The following NELL1 variants were observed in gnomAD, a reference collection of about 807,000 sequenced individuals.
The protein encoded by NELL1 is protein kinase C-binding protein NELL1.
A neutral mutation model predicts 107.4 loss-of-function variants in NELL1; 76 were observed. The ratio of observed to expected loss-of-function variants is 0.71; its 90% confidence interval spans 0.59 to 0.86. The LOEUF (loss-of-function observed/expected upper bound fraction) is 0.86. NELL1 is among the 40% of genes least tolerant of loss of function. The probability of loss-of-function intolerance (pLI) is 0.00; values close to 1 mark genes in which losing one functional copy is unlikely to be tolerated. For synonymous variants in NELL1, 353 were observed against 341.2 expected (o/e 1.03, Z -0.38); for missense variants, 1,024 against 1,005.5 (o/e 1.02, Z -0.25).
At chr11:20,737,478 G>T (rs1250242168) in intron 2 of NELL1, among the ~76,000 whole-genome samples, 1 of 152,028 alleles carries the variant, frequency 6.6e-6, no homozygotes, top group African/African-American at 2.4e-5. Flanking sequence ...ACATGATAAT[G>T]CTCAAAAAGA....
rs944212559 is a variant in NELL1 at position 21,330,518 on chromosome 11, C to A, written c.1550-40335C>A. Among the ~76,000 whole-genome samples the A allele has an allele frequency of 2.0e-5, 3 of 151,876 alleles. No individual in the cohort carries two copies. In the East Asian group the frequency reaches 5.8e-4, roughly 29 times the overall value. ...GAATGAGAAATTTGTTAGTTTTATT[C>A]TTTCAGCACTTTGAATATGCATGTC... On this transcript the variant is annotated intron_variant, in intron 14 of 19. Transcript: ENST00000357134.
At chr11:21,008,844 T>C (rs1852385881) in intron 12 of NELL1, among the ~76,000 whole-genome samples, 1 of 152,044 alleles carries the variant, frequency 6.6e-6, no homozygotes, top group Non-Finnish European at 1.5e-5. Flanking sequence ...TTAACAAAAG[T>C]AATTTAACAG....
At chr11:21,021,232 A>C (rs982185064) in intron 12 of NELL1, among the ~76,000 whole-genome samples, 4 of 151,104 alleles carry the variant, frequency 2.6e-5, no homozygotes, top group Non-Finnish European at 4.4e-5. Context: ...GCCAAGCTGC[A>C]TACTCTGAAT....
At chr11:20,674,624 T>C in intron 1 of NELL1, 1 of 1,080,848 alleles carries the variant, frequency 9.3e-7, no homozygotes, top group Non-Finnish European at 1.4e-6. Flanking sequence ...GCTTGATAAA[T>C]GAATGCTTTT....
intron 9 of NELL1, among the ~76,000 whole-genome samples, chr11:20,933,628 C>G (rs1313318071): frequency 6.6e-6 from 1 of 152,160 alleles, no homozygotes; most frequent in Non-Finnish European, 1.5e-5. Flanking sequence ...CTGATTTTGA[C>G]ATTCTAGGCC....
chr11:21,465,592 C>T (rs1054272233), intron 15 of NELL1, among the ~76,000 whole-genome samples: 3 of 152,040 alleles, frequency 2.0e-5, no homozygotes, highest in Admixed American at 2.0e-4. Context: ...GTTTTTTTCT[C>T]TTTCTCTCAG....
rs16907560 is a variant in NELL1, at chr11:21,156,042, T to G, written c.1426+42328T>G. On this transcript the variant is annotated intron_variant, in intron 13 of 19. Coordinates refer to ENST00000357134, the MANE Select transcript of NELL1 (RefSeq NM_006157.5). ...GGAGATGATGGGTATCCCAATGAGA[T>G]GGAAGTTTGTAGTTGGGACAGGGGG... 9.5e-3 allele frequency among the ~76,000 whole-genome samples: 1,443 copies of G among 152,106 alleles called. 21 individuals carry two copies. The highest frequency in any genetic ancestry group is 0.033 in the African/African-American group (1,359 of 41,498).
chr11:20,877,487 C>G (rs917155355), intron 4 of NELL1, among the ~76,000 whole-genome samples: 2 of 152,220 alleles, frequency 1.3e-5, no homozygotes, highest in Non-Finnish European at 2.9e-5. Flanking sequence ...TGTTGAACCA[C>G]CACACTGCTT....
At chr11:21,128,221 C>A (rs530124778) in intron 13 of NELL1, among the ~76,000 whole-genome samples, 4 of 152,120 alleles carry the variant, frequency 2.6e-5, no homozygotes, top group Non-Finnish European at 5.9e-5. Context: ...CAGAAAAGCA[C>A]GTTGTAACTA....
chr11:20,730,306 AG>A (rs1457382041), intron 2 of NELL1, among the ~76,000 whole-genome samples: 1 of 152,162 alleles, frequency 6.6e-6, no homozygotes. Flanking sequence ...CAGTCCATGG[AG>A]AAGCATCAGT....
At chr11:21,228,880 A>G (rs891036974) in intron 13 of NELL1, among the ~76,000 whole-genome samples, 6 of 151,494 alleles carry the variant, frequency 4.0e-5, no homozygotes, top group African/African-American at 1.5e-4. Flanking sequence ...ACATTGTACA[A>G]TGCTTAGCAG....
chr11:20,923,944 A>G (rs1419086996), intron 7 of NELL1, among the ~76,000 whole-genome samples: 1 of 152,222 alleles, frequency 6.6e-6, no homozygotes, highest in Non-Finnish European at 1.5e-5. Context: ...AGATCTGTTC[A>G]TTGACCTCTG....
chr11:21,282,237 C>T (rs1367599141), intron 14 of NELL1, among the ~76,000 whole-genome samples: 1 of 152,056 alleles, frequency 6.6e-6, no homozygotes, highest in Non-Finnish European at 1.5e-5. Context: ...GGCAAACAAG[C>T]ATATGAAAAG....
intron 4 of NELL1, among the ~76,000 whole-genome samples, chr11:20,882,071 C>A (rs759385725): frequency 4.6e-5 from 7 of 152,196 alleles, no homozygotes; most frequent in Non-Finnish European, 1.5e-5. Context: ...TGTGCCCTAC[C>A]TGCCTTTTTA....
At chr11:20,810,249 G>T (rs1857471383) in intron 3 of NELL1, among the ~76,000 whole-genome samples, 1 of 151,884 alleles carries the variant, frequency 6.6e-6, no homozygotes, top group Non-Finnish European at 1.5e-5. Context: ...TAAGTTATTG[G>T]GGTACAGGTG....
At chr11:21,194,231 C>A (rs1456415296) in intron 13 of NELL1, among the ~76,000 whole-genome samples, 2 of 149,390 alleles carry the variant, frequency 1.3e-5, no homozygotes, top group African/African-American at 2.6e-5. Flanking sequence ...AGCACCCATG[C>A]TGACATCTAC....
At chr11:21,069,632 T>C (rs551175449) in intron 12 of NELL1, among the ~76,000 whole-genome samples, 3 of 152,344 alleles carry the variant, frequency 2.0e-5, no homozygotes, top group Admixed American at 1.3e-4. Context: ...CAAAGCATTG[T>C]GTGACATATA....
At chr11:21,070,564 G>A (rs181355327) in intron 12 of NELL1, among the ~76,000 whole-genome samples, 14 of 152,096 alleles carry the variant, frequency 9.2e-5, no homozygotes, top group Non-Finnish European at 1.8e-4. Flanking sequence ...TTCCTAATTT[G>A]CAAAAAAATA....
chr11:21,399,973 A>G (rs1852062763), intron 15 of NELL1, among the ~76,000 whole-genome samples: 2 of 151,836 alleles, frequency 1.3e-5, no homozygotes. Flanking sequence ...ATTACTAACT[A>G]GTTTAGGATC....
Sources: allele counts gnomAD v4.1 joint callset (sites outside exome capture counted in the v4.1 genomes callset), GRCh38; gene constraint gnomAD v4.1.1; transcripts MANE v1.5; gene names NCBI Gene and HGNC (gene_info 2026-07-23, HGNC 2026-07-21).